Variants in KMT2A observed in about 807,000 individuals in gnomAD.
KMT2A encodes the protein histone-lysine N-methyltransferase 2A.
Under a neutral mutation model 345.3 loss-of-function variants are expected in KMT2A, and 16 were observed. That is an observed-to-expected ratio of 0.05 (90% CI 0.03 to 0.07). The LOEUF (loss-of-function observed/expected upper bound fraction) is 0.07. KMT2A is among the 10% of genes least tolerant of loss of function. KMT2A has a pLI of 1.00. For synonymous variants in KMT2A, 1,599 were observed against 1,778.6 expected (o/e 0.90, Z 2.54); for missense variants, 3,272 against 4,841.6 (o/e 0.68, Z 9.62).
At chr11:118,517,052 A>C (rs1159529215) in intron 31 of KMT2A, among the ~76,000 whole-genome samples, 1 of 152,084 alleles carries the variant, frequency 6.6e-6, no homozygotes, top group Non-Finnish European at 1.5e-5. Flanking sequence ...ATTCACAGCA[A>C]TCTAGAACTT....
At chr11:118,482,550 G>C in intron 8 of KMT2A, 55 bp downstream of exon 8, 2 of 1,303,120 alleles carry the variant, frequency 1.5e-6, no homozygotes, top group Non-Finnish European at 2.2e-6. Context: ...TATTTTGTAG[G>C]GAAAAGCCTT....
chr11:118,519,523 C>T (rs1950909329), intron 31 of KMT2A, 95 bp from the exon 32 acceptor site: 2 of 1,116,078 alleles, frequency 1.8e-6, no homozygotes, highest in East Asian at 2.4e-5. Flanking sequence ...GGAGCAGCCT[C>T]TGGCAGAGTG....
rs1555034763 is a variant in KMT2A, at chr11:118,468,771, G to A, written c.433-4G>A. The A allele has an allele frequency of 3.1e-6, 5 of 1,611,284 alleles. No homozygotes were observed. The highest frequency in any genetic ancestry group is 4.2e-6 in the Non-Finnish European group (5 of 1,177,868). On this transcript the variant is annotated splice_polypyrimidine_tract_variant and splice_region_variant and intron_variant, in intron 1 of 35. Coordinates refer to ENST00000534358, the MANE Select transcript of KMT2A (RefSeq NM_001197104.2). Reference sequence around the variant, plus strand: ...GATTTTAAAATAATTTTCCTTTGTTGTAGGATGAGCAATTCTTAGGTTTTG... The same window carrying A: ...GATTTTAAAATAATTTTCCTTTGTTATAGGATGAGCAATTCTTAGGTTTTG...
chr11:118,507,767 CTGGCTAACA>C, intron 28 of KMT2A, 158 bp downstream of exon 28: 1 of 596,264 alleles, frequency 1.7e-6, no homozygotes, highest in East Asian at 2.9e-5. Context: ...CGAGACCATC[CTGGCTAACA>C]TGGTGAAACC....
chr11:118,438,920 C>CA, intron 1 of KMT2A: 1 of 404,044 alleles, frequency 2.5e-6, no homozygotes, highest in Non-Finnish European at 5.0e-6. Flanking sequence ...CTCCTTTTCC[C>CA]AGCCTTCAGA....
rs782666181 is a variant in KMT2A at position 118,501,058 on chromosome 11, G to T, written c.6230G>T (p.Cys2077Phe). ...GTATATACATGCAAGATAGTGGAGT[G>T]CCGTCCTCCAGTCGTAGAGCCGGAT... ...RCVYTCKIVE[C>F]RPPVVEPDIN... The change falls in exon 25 of 36, where the codon TGC becomes TTC. Residue 2077 changes from cysteine (C) to phenylalanine (F), a missense_variant. Cys to Phe is a radical substitution (Grantham distance 205). This residue lies in a region of KMT2A where 235 missense variants were observed against 503.4 expected (regional missense o/e 0.47). Transcript: ENST00000534358. The T allele has an allele frequency of 3.8e-5, 61 of 1,613,962 alleles. No homozygotes were observed. Among genetic ancestry groups the T allele is most frequent in the Non-Finnish European group, 5.1e-5 (60 of 1,179,942 alleles).
chr11:118,475,692 C>T (rs1950025246), intron 3 of KMT2A, among the ~76,000 whole-genome samples: 1 of 152,110 alleles, frequency 6.6e-6, no homozygotes, highest in African/African-American at 2.4e-5. Flanking sequence ...CACTACACTC[C>T]AGCCTGGGTG....
Position 118,497,909 on chromosome 11 carries a change from G to A in KMT2A, c.5665-27G>A, listed in dbSNP as rs782203646. On this transcript the variant is annotated intron_variant, in intron 20 of 35. Transcript: ENST00000534358. This position sits in a 1 kb window ranked among gnomAD's most constrained non-coding sequence, Gnocchi z 4.8. Reference sequence around the variant, plus strand: ...CCTCCTTTGGCATTATATTCTTTAGGAAAAAAGAAATCTCTTTATTTTATA... The same window carrying A: ...CCTCCTTTGGCATTATATTCTTTAGAAAAAAAGAAATCTCTTTATTTTATA... 1.3e-6 allele frequency: 2 copies of A among 1,585,124 alleles called. No homozygotes were observed. The highest frequency in any genetic ancestry group is 1.7e-5 in the Admixed American group (1 of 59,346).
Position 118,476,148 on chromosome 11 carries a change from A to T in KMT2A, c.3157-657A>T, listed in dbSNP as rs514924. On this transcript the variant is annotated intron_variant, in intron 3 of 35. Coordinates refer to ENST00000534358, the MANE Select transcript of KMT2A (RefSeq NM_001197104.2). The surrounding 1 kb of genome is among the most constrained non-coding windows in gnomAD (Gnocchi z 4.1). The stretch of plus-strand genomic sequence containing the variant: ...TCAAACTCCCGACCTCAGGTGATCT[A>T]CCCGCCTCGGCCTCCCAAAGTGCTG... 6.6e-6 allele frequency among the ~76,000 whole-genome samples: 1 copy of T among 152,010 alleles called. No homozygotes were observed. The highest frequency in any genetic ancestry group is 6.5e-5 in the Admixed American group (1 of 15,270).
Position 118,473,835 on chromosome 11 carries a change from A to G in KMT2A, c.2676A>G (p.Lys892=). Residue 892 remains lysine (K), a synonymous_variant, in exon 3 of 36, where the codon AAA becomes AAG. Transcript: ENST00000534358. This position sits in a 1 kb window ranked among gnomAD's most constrained non-coding sequence, Gnocchi z 5.2. ...KENKRESRKE[K]RKKGSEIQSS... ...ATAAGCGGGAGTCAAGGAAAGAGAA[A>G]AGGAAAAAGGGATCAGAAATTCAGA... 1 of 1,614,192 alleles carries G rather than the reference A, an allele frequency of 6.2e-7. No individual in the cohort carries two copies. The highest frequency in any genetic ancestry group is 1.3e-5 in the African/African-American group (1 of 75,046).
At chr11:118,477,353 A>G (rs1950054859) in intron 4 of KMT2A, among the ~76,000 whole-genome samples, 1 of 152,132 alleles carries the variant, frequency 6.6e-6, no homozygotes, top group Non-Finnish European at 1.5e-5. Context: ...GCTGTCATAT[A>G]GTTCTTAAGT....
At position 118,505,654 on chromosome 11, in the gene KMT2A, T is replaced by C; in HGVS notation, c.9762T>C (p.Asn3254=). The C allele has an allele frequency of 6.2e-7, 1 of 1,614,230 alleles. No homozygotes were observed. The highest frequency in any genetic ancestry group is 8.5e-7 in the Non-Finnish European group (1 of 1,180,036). The change falls in exon 27 of 36, where the codon AAT becomes AAC. Residue 3254 remains asparagine (N), a synonymous_variant. Coordinates refer to ENST00000534358, the MANE Select transcript of KMT2A (RefSeq NM_001197104.2). This position sits in a 1 kb window ranked among gnomAD's most constrained non-coding sequence, Gnocchi z 4.6. Reference sequence around the variant, plus strand: ...TTGCCCCTTCTGATGTGGTTTCTAATATGACATTGATTAACTTCACACCCT... The same window carrying C: ...TTGCCCCTTCTGATGTGGTTTCTAACATGACATTGATTAACTTCACACCCT... ...SNIAPSDVVS[N]MTLINFTPSQ...
chr11:118,456,239 C>T (rs550172932), intron 1 of KMT2A, among the ~76,000 whole-genome samples: 3 of 152,230 alleles, frequency 2.0e-5, no homozygotes, highest in African/African-American at 4.8e-5. Context: ...GTGGCTAACA[C>T]CTGTAATCCC....
Position 118,494,199 on chromosome 11 carries a change from C to A in KMT2A, c.5179-89C>A. The A allele has an allele frequency of 1.4e-6, 1 of 710,878 alleles. No homozygotes were observed. The highest frequency in any genetic ancestry group is 2.2e-5 in the Admixed American group (1 of 44,858). 44.0% of individuals were successfully genotyped at this position (710,878 alleles called of 1,614,324 possible). A position where few individuals can be genotyped will look rare whatever the true frequency, so the allele number is the denominator to read the frequency against. On this transcript the variant is annotated intron_variant, in intron 16 of 35. Coordinates refer to ENST00000534358, the MANE Select transcript of KMT2A (RefSeq NM_001197104.2). This position sits in a 1 kb window ranked among gnomAD's most constrained non-coding sequence, Gnocchi z 5.8. ...ATAGGGTGTGAGTTTTCTGTTGGAT[C>A]TCTGTGCTGGATGATTAAGGAGGGA... is the stretch of plus-strand genomic sequence containing the variant.
Position 118,484,789 on chromosome 11 carries a change from C to CT in KMT2A, c.4219-69dup. ...ATTGTGATGTCACACTAATTTTATGCTTTTCATCCTTATTTTCCATCCAAA... is the reference window on the plus strand; with the variant it reads ...ATTGTGATGTCACACTAATTTTATGCTTTTTCATCCTTATTTTCCATCCAAA... On this transcript the variant is annotated intron_variant, in intron 9 of 35. Transcript: ENST00000534358. This position sits in a 1 kb window ranked among gnomAD's most constrained non-coding sequence, Gnocchi z 4.1. 1 of 979,018 alleles carries CT rather than the reference C, an allele frequency of 1.0e-6. No individual in the cohort carries two copies. Among genetic ancestry groups the CT allele is most frequent in the Non-Finnish European group, 1.6e-6 (1 of 609,850 alleles). The allele number at this position is 979,018 out of a possible 1,614,324, so 60.6% of individuals were successfully genotyped here. A position where few individuals can be genotyped will look rare whatever the true frequency, so the allele number is the denominator to read the frequency against.
chr11:118,468,756 T>C lies in KMT2A; in HGVS notation c.433-19T>C. ...CACGTTTTTGCTTCTGATTTTAAAA[T>C]AATTTTCCTTTGTTGTAGGATGAGC... On this transcript the variant is annotated intron_variant, in intron 1 of 35. Transcript: ENST00000534358. 6.2e-7 allele frequency: 1 copy of C among 1,604,672 alleles called. No homozygotes were observed. Among genetic ancestry groups the C allele is most frequent in the Non-Finnish European group, 8.5e-7 (1 of 1,172,158 alleles).
Position 118,501,676 on chromosome 11 carries a change from T to C in KMT2A, c.6324T>C (p.Ser2108=). ...IAHSPTSFTE[S]SSKESQNTAE... ...AGTTTTTATTTCCTGCCACAGAAAGTTCATCAAAAGAGAGTCAAAACACAG... is the reference window on the plus strand; with the variant it reads ...AGTTTTTATTTCCTGCCACAGAAAGCTCATCAAAAGAGAGTCAAAACACAG... The change falls in exon 26 of 36, where the codon AGT becomes AGC. Residue 2108 remains serine, a synonymous_variant. Transcript: ENST00000534358. 1 of 1,603,522 alleles carries C rather than the reference T, an allele frequency of 6.2e-7. No individual in the cohort carries two copies. Among genetic ancestry groups the C allele is most frequent in the Non-Finnish European group, 8.5e-7 (1 of 1,176,828 alleles).
At chr11:118,482,363 A>G (rs1950150083) in intron 7 of KMT2A, 59 bp from the exon 8 acceptor site, 1 of 1,131,894 alleles carries the variant, frequency 8.8e-7, no homozygotes, top group African/African-American at 1.6e-5. Context: ...TTCACAGGTC[A>G]GTCAGTACTA....
rs1950448430 is a variant in KMT2A at position 118,498,579 on chromosome 11, C to G, written c.5961+51C>G. 2 of 1,532,852 alleles carry G rather than the reference C, an allele frequency of 1.3e-6. No homozygotes were observed. Among genetic ancestry groups the G allele is most frequent in the Non-Finnish European group, 1.7e-6 (2 of 1,144,324 alleles). 95.0% of individuals were successfully genotyped at this position (1,532,852 alleles called of 1,614,324 possible). ...AAAAAAAAAAAAGACTTTTTTAGAGCAGTTTTAGGTTCACAGCAAAATTGA... is the reference window on the plus strand; with the variant it reads ...AAAAAAAAAAAAGACTTTTTTAGAGGAGTTTTAGGTTCACAGCAAAATTGA... On this transcript the variant is annotated intron_variant, in intron 22 of 35. Coordinates refer to ENST00000534358, the MANE Select transcript of KMT2A (RefSeq NM_001197104.2). The surrounding 1 kb of genome is among the most constrained non-coding windows in gnomAD (Gnocchi z 4.4).
Sources: gnomAD v4.1 joint callset for allele counts (sites outside exome capture counted in the v4.1 genomes callset) on GRCh38, gnomAD v4.1.1 for gene constraint, gnomAD v4.1.1 regional missense constraint, Gnocchi (gnomAD v3.1) non-coding constraint, MANE v1.5 for transcripts, NCBI Gene and HGNC (gene_info 2026-07-23, HGNC 2026-07-21) for gene names.